PLCE1: variants seen among roughly 807,000 people sequenced by gnomAD.
PLCE1 encodes the protein phospholipase C epsilon 1, also known as 1-phosphatidylinositol 4,5-bisphosphate phosphodiesterase epsilon-1.
PLCE1 carries 119 observed loss-of-function variants against 242.8 expected under a neutral mutation model. The ratio of observed to expected loss-of-function variants is 0.49; its 90% CI spans 0.42 to 0.57. PLCE1 has a LOEUF of 0.57. Among genes scored for constraint, PLCE1 ranks in the 20% least tolerant of loss-of-function variants. PLCE1 has a pLI of 0.00. For missense variants in PLCE1, 2,441 were observed against 2,788.8 expected (o/e 0.88, Z 2.81); for synonymous variants, 945 against 1,017.4 (o/e 0.93, Z 1.35).
At chr10:94,130,948 C>A (rs1183604945) in intron 2 of PLCE1, among the ~76,000 whole-genome samples, 1 of 152,156 alleles carries the variant, frequency 6.6e-6, no homozygotes, top group Non-Finnish European at 1.5e-5. Context: ...AAGGAGGTGA[C>A]CTTCATTTCC....
intron 7 of PLCE1, among the ~76,000 whole-genome samples, chr10:94,237,559 T>C (rs1168338276): frequency 6.6e-6 from 1 of 152,192 alleles, no homozygotes; most frequent in East Asian, 1.9e-4. Context: ...GCAAGCACTC[T>C]TAGAAGAGGA....
At chr10:94,180,017 A>G (rs892861712) in intron 4 of PLCE1, among the ~76,000 whole-genome samples, 5 of 151,952 alleles carry the variant, frequency 3.3e-5, no homozygotes, top group African/African-American at 1.2e-4. Context: ...TATTATGATC[A>G]CCCCCACTTA....
chr10:94,058,976 A>G (rs2043976986), intron 2 of PLCE1, among the ~76,000 whole-genome samples: 1 of 152,186 alleles, frequency 6.6e-6, no homozygotes, highest in South Asian at 2.1e-4. Context: ...GCGTAAACAC[A>G]TGTACCTATG....
chr10:94,315,026 T>C (rs1012486674), intron 28 of PLCE1: 2 of 169,246 alleles, frequency 1.2e-5, no homozygotes, highest in African/African-American at 4.8e-5. Flanking sequence ...GTCCATTGCT[T>C]TACTGTCACC....
intron 3 of PLCE1, among the ~76,000 whole-genome samples, chr10:94,158,936 A>T (rs1428474020): frequency 1.4e-5 from 2 of 138,300 alleles, no homozygotes; most frequent in African/African-American, 5.3e-5. Context: ...AGCTCACCTC[A>T]ACCTCCGCCT....
At chr10:94,091,573 CA>C (rs2045075474) in intron 2 of PLCE1, among the ~76,000 whole-genome samples, 1 of 151,902 alleles carries the variant, frequency 6.6e-6, no homozygotes, top group South Asian at 2.1e-4. Context: ...CAGCAGGAGA[CA>C]GGGGTATAAA....
chr10:94,089,317 G>A, intron 2 of PLCE1: 1 of 1,613,888 alleles, frequency 6.2e-7, no homozygotes, highest in Non-Finnish European at 8.5e-7. Context: ...GCTCTCTGAG[G>A]TACCCAATTT....
At position 94,246,215 on chromosome 10, in the gene PLCE1, C is replaced by A. The variant is rs2050673933; in HGVS notation, c.2690C>A (p.Thr897Lys). The A allele has an allele frequency of 3.1e-6, 5 of 1,614,042 alleles. No individual in the cohort carries two copies. The highest frequency in any genetic ancestry group is 3.3e-5 in the Admixed American group (2 of 60,008). ...AGCACCTTGACCTGGGTAAAGCCCA[C>A]AACTGCCTCCCCAGCCAGCAGTAAA... Reference protein sequence around the residue: ...DNSTLTWVKPTTASPASSKAK... With the variant: ...DNSTLTWVKPKTASPASSKAK... The change falls in exon 8 of 33, where the codon ACA becomes AAA. Residue 897 changes from threonine to lysine, a missense_variant. By Grantham distance (78) the Thr-to-Lys change is moderately conservative. Transcript: ENST00000371380.
At chr10:93,998,194 A>C (rs1184362179) in intron 1 of PLCE1, among the ~76,000 whole-genome samples, 1 of 152,230 alleles carries the variant, frequency 6.6e-6, no homozygotes, top group African/African-American at 2.4e-5. Context: ...AAGTAGTGGC[A>C]AGCCTCAGTG....
At chr10:94,192,567 T>C (rs1161635084) in intron 4 of PLCE1, among the ~76,000 whole-genome samples, 1 of 152,210 alleles carries the variant, frequency 6.6e-6, no homozygotes, top group Non-Finnish European at 1.5e-5. Flanking sequence ...TATATACGTA[T>C]ATCCAATCCA....
At chr10:94,293,971 G>A (rs2052723143) in intron 23 of PLCE1, among the ~76,000 whole-genome samples, 1 of 152,036 alleles carries the variant, frequency 6.6e-6, no homozygotes, top group South Asian at 2.1e-4. Context: ...GCCGGGTGTG[G>A]TAGTGCACAC....
chr10:94,265,877 C>T lies in PLCE1; in HGVS notation c.4200C>T (p.Tyr1400=), dbSNP rs746890332. The change falls in exon 16 of 33, where the codon TAC becomes TAT. Residue 1400 remains tyrosine, a synonymous_variant. Coordinates refer to ENST00000371380, the MANE Select transcript of PLCE1 (RefSeq NM_016341.4). ...AAGAACTGCAGCTACCCCTCTCATA[C>T]TATTACATCGAATCTTCGCACAATA... ...NIKELQLPLS[Y]YYIESSHNTY... The T allele has an allele frequency of 1.2e-6, 2 of 1,614,034 alleles. No individual in the cohort carries two copies. The highest frequency in any genetic ancestry group is 1.7e-6 in the Non-Finnish European group (2 of 1,179,906).
chr10:94,319,212 G>A (rs1033105450), intron 29 of PLCE1, among the ~76,000 whole-genome samples: 3 of 152,138 alleles, frequency 2.0e-5, no homozygotes, highest in Non-Finnish European at 2.9e-5. Flanking sequence ...TCCTTTATAT[G>A]CCTTTGTTAG....
chr10:94,273,876 T>C (rs1401600857), intron 19 of PLCE1, among the ~76,000 whole-genome samples, 156 bp downstream of exon 19: 3 of 152,238 alleles, frequency 2.0e-5, no homozygotes, highest in Admixed American at 1.3e-4. Flanking sequence ...TTTCATTCCA[T>C]AGACCAATAA....
At chr10:94,069,008 G>C (rs2044278106) in intron 2 of PLCE1, among the ~76,000 whole-genome samples, 1 of 152,230 alleles carries the variant, frequency 6.6e-6, no homozygotes, top group Non-Finnish European at 1.5e-5. Flanking sequence ...TTCAATAGAT[G>C]AATGAGGGAA....
intron 7 of PLCE1, among the ~76,000 whole-genome samples, chr10:94,241,176 G>A (rs944292199): frequency 2.6e-5 from 4 of 152,076 alleles, no homozygotes; most frequent in South Asian, 2.1e-4. Context: ...AAAAACTGAC[G>A]CCAAGAAAGA....
chr10:94,303,687 A>G (rs1439261036), intron 24 of PLCE1, among the ~76,000 whole-genome samples: 1 of 152,226 alleles, frequency 6.6e-6, no homozygotes, highest in Non-Finnish European at 1.5e-5. Context: ...AATTGTCTGC[A>G]TGGCTTAGAG....
At chr10:94,084,050 G>T (rs2044731406) in intron 2 of PLCE1, among the ~76,000 whole-genome samples, 1 of 152,128 alleles carries the variant, frequency 6.6e-6, no homozygotes, top group African/African-American at 2.4e-5. Context: ...TGCTTAGAAA[G>T]CTTTTAAGAA....
chr10:94,001,070 T>C (rs2060921632), intron 1 of PLCE1, among the ~76,000 whole-genome samples: 1 of 152,196 alleles, frequency 6.6e-6, no homozygotes, highest in South Asian at 2.1e-4. Flanking sequence ...AAAAGGCTCA[T>C]AGGTCTGCCC....
Sources: allele counts gnomAD v4.1 joint callset (sites outside exome capture counted in the v4.1 genomes callset), GRCh38; gene constraint gnomAD v4.1.1; transcripts MANE v1.5; gene names NCBI Gene and HGNC (gene_info 2026-07-23, HGNC 2026-07-21).